The following ZNF385D variants were observed in gnomAD, a reference collection of about 807,000 sequenced individuals.
ZNF385D encodes zinc finger protein 385D.
Under a neutral mutation model 35.8 loss-of-function variants are expected in ZNF385D, and 15 were observed. That is an observed-to-expected ratio of 0.42 (90% CI 0.28 to 0.64). ZNF385D has a LOEUF of 0.64. Ranked by LOEUF, ZNF385D falls within the 30% of genes least tolerant of loss-of-function variation. The probability of loss-of-function intolerance (pLI) is 0.23; values close to 1 mark genes in which losing one functional copy is unlikely to be tolerated. For missense variants in ZNF385D, 474 were observed against 494.6 expected (o/e 0.96, Z 0.39); for synonymous variants, 212 against 186.8 (o/e 1.13, Z -1.10).
chr3:21,814,576 G>T (rs1474018379), intron 3 of ZNF385D, among the ~76,000 whole-genome samples: 2 of 152,126 alleles, frequency 1.3e-5, no homozygotes, highest in Non-Finnish European at 2.9e-5. Flanking sequence ...AAGATCAAAA[G>T]AGACAAAGAA....
At chr3:21,486,006 C>T (rs1435319400) in intron 4 of ZNF385D, among the ~76,000 whole-genome samples, 1 of 146,112 alleles carries the variant, frequency 6.8e-6, no homozygotes, top group Non-Finnish European at 1.5e-5. Flanking sequence ...ACTGAAAGCT[C>T]CTTGATAGCA....
intron 3 of ZNF385D, among the ~76,000 whole-genome samples, chr3:22,164,197 A>C (rs993517115): frequency 7.0e-6 from 1 of 143,278 alleles, no homozygotes; most frequent in African/African-American, 2.5e-5. Flanking sequence ...TACACACTAT[A>C]GGTAATACAA....
chr3:21,540,580 C>G (rs770555460), intron 3 of ZNF385D, among the ~76,000 whole-genome samples: 9 of 152,102 alleles, frequency 5.9e-5, no homozygotes, highest in Non-Finnish European at 1.3e-4. Flanking sequence ...TCAGAGACTA[C>G]CTTCTGAAAA....
chr3:21,552,204 T>G (rs1425696773), intron 3 of ZNF385D, among the ~76,000 whole-genome samples: 1 of 152,220 alleles, frequency 6.6e-6, no homozygotes, highest in Non-Finnish European at 1.5e-5. Flanking sequence ...AGAAAGCCTT[T>G]TCTTGAGTTT....
chr3:21,981,777 T>C (rs1366641650), intron 3 of ZNF385D, among the ~76,000 whole-genome samples: 1 of 152,126 alleles, frequency 6.6e-6, no homozygotes, highest in African/African-American at 2.4e-5. Flanking sequence ...AATCTTCTGC[T>C]TATGGCTAGT....
At chr3:21,480,356 G>C (rs1378843790) in intron 4 of ZNF385D, among the ~76,000 whole-genome samples, 1 of 152,086 alleles carries the variant, frequency 6.6e-6, no homozygotes, top group Non-Finnish European at 1.5e-5. Flanking sequence ...ATTCGCTTCA[G>C]CCTCCCAAAG....
intron 3 of ZNF385D, among the ~76,000 whole-genome samples, chr3:22,142,114 A>G (rs779596496): frequency 1.3e-5 from 2 of 152,230 alleles, no homozygotes; most frequent in Non-Finnish European, 2.9e-5. Flanking sequence ...AGAACCTTGG[A>G]AAACACCCAC....
chr3:21,813,828 T>A (rs542958084), intron 3 of ZNF385D, among the ~76,000 whole-genome samples: 8 of 152,046 alleles, frequency 5.3e-5, no homozygotes, highest in Non-Finnish European at 1.0e-4. Context: ...CAGGCCAACA[T>A]TGAAATTCAG....
intron 4 of ZNF385D, among the ~76,000 whole-genome samples, chr3:21,459,179 A>C (rs1703013754): frequency 6.6e-6 from 1 of 152,306 alleles, no homozygotes; most frequent in Middle Eastern, 3.4e-3. Flanking sequence ...CTTTTGGGCT[A>C]TCCTGTTGAG....
chr3:22,176,734 C>T (rs1694854988), intron 2 of ZNF385D, among the ~76,000 whole-genome samples: 1 of 152,042 alleles, frequency 6.6e-6, no homozygotes, highest in African/African-American at 2.4e-5. Context: ...ATTTTGAGTC[C>T]TCAGTTTCAA....
chr3:21,566,907 G>A (rs529532681), intron 2 of ZNF385D, among the ~76,000 whole-genome samples: 57 of 152,158 alleles, frequency 3.7e-4, no homozygotes, highest in Non-Finnish European at 6.8e-4. Flanking sequence ...TTCCATTTCT[G>A]TCTCAGTATT....
chr3:21,788,810 G>A lies in ZNF385D; in HGVS notation c.326-123782C>T, dbSNP rs113852614. Among the ~76,000 whole-genome samples the A allele has an allele frequency of 5.2e-3, 786 of 152,300 alleles. 6 individuals carry two copies. The highest frequency in any genetic ancestry group is 0.017 in the African/African-American group (706 of 41,574). On this transcript the variant is annotated intron_variant, in intron 3 of 5. Transcript: ENST00000494108. Reference sequence around the variant, plus strand: ...GAAATACGGGACACAGGAATCTTGGGATCCAACAACTGTAGAAGTTCAGAA... The same window carrying A: ...GAAATACGGGACACAGGAATCTTGGAATCCAACAACTGTAGAAGTTCAGAA...
At chr3:22,030,256 CATATATATAT>C (rs71044967) in intron 3 of ZNF385D, among the ~76,000 whole-genome samples, 465 of 21,726 alleles carry the variant, frequency 0.021, 10 homozygotes, top group African/African-American at 0.057. Flanking sequence ...TAAACTCATT[CATATATATAT>C]ATATATATAT....
intron 2 of ZNF385D, among the ~76,000 whole-genome samples, chr3:21,629,153 T>C (rs2125830947): frequency 6.6e-6 from 1 of 152,256 alleles, no homozygotes; most frequent in East Asian, 1.9e-4. Context: ...TAAGTGGGTC[T>C]GACATTTTGG....
At chr3:22,107,397 G>T (rs943086555) in intron 3 of ZNF385D, among the ~76,000 whole-genome samples, 1 of 151,844 alleles carries the variant, frequency 6.6e-6, no homozygotes, top group Non-Finnish European at 1.5e-5. Context: ...TTTTTTCTGA[G>T]AGTCAGGACT....
At position 21,654,627 on chromosome 3, in the gene ZNF385D, C is replaced by G. The variant is rs2066018442; in HGVS notation, c.165+10259G>C. Among the ~76,000 whole-genome samples the G allele has an allele frequency of 2.0e-5, 3 of 151,974 alleles. No individual in the cohort carries two copies. In the South Asian group the frequency reaches 6.2e-4, roughly 31 times the overall value. ...TCTTTGCTGAAGGACCAGCCCTACC[C>G]CCATCAGTCATAGACCAATACTTTT... On this transcript the variant is annotated intron_variant, in intron 2 of 7. Transcript: ENST00000281523.
chr3:21,599,133 T>C (rs1022764773), intron 2 of ZNF385D, among the ~76,000 whole-genome samples: 21 of 152,248 alleles, frequency 1.4e-4, no homozygotes, highest in African/African-American at 4.8e-4. Flanking sequence ...CCGTTTCTCA[T>C]TGCAGACTAA....
chr3:21,543,351 C>T (rs928133673), intron 3 of ZNF385D, among the ~76,000 whole-genome samples: 2 of 152,212 alleles, frequency 1.3e-5, no homozygotes, highest in Non-Finnish European at 2.9e-5. Flanking sequence ...ACTTTTCATC[C>T]TGCAACTTCT....
intron 3 of ZNF385D, among the ~76,000 whole-genome samples, chr3:21,903,644 T>TC (rs1699528770): frequency 6.6e-6 from 1 of 152,162 alleles, no homozygotes; most frequent in African/African-American, 2.4e-5. Context: ...AAAGGGTGCA[T>TC]TTTATTTTAC....
Sources: gnomAD v4.1 joint callset for allele counts (sites outside exome capture counted in the v4.1 genomes callset) on GRCh38, gnomAD v4.1.1 for gene constraint, MANE v1.5 for transcripts, NCBI Gene and HGNC (gene_info 2026-07-23, HGNC 2026-07-21) for gene names.